The following PAH variants were observed in gnomAD, a reference collection of about 807,000 sequenced individuals.
The protein encoded by PAH is phenylalanine-4-hydroxylase.
A neutral mutation model predicts 62.0 loss-of-function variants in PAH; 64 were observed. The observed-to-expected ratio is 1.03, with a 90% CI of 0.84 to 1.27. The LOEUF (loss-of-function observed/expected upper bound fraction) is 1.27. Ranked by LOEUF, PAH falls within the 50% of genes most tolerant of loss-of-function variation. The pLI is 0.00. For missense variants in PAH, 579 were observed against 542.8 expected (o/e 1.07, Z -0.66); for synonymous variants, 195 against 196.2 (o/e 0.99, Z 0.05).
At chr12:102,862,911 G>C (rs1875792315) in intron 5 of PAH, among the ~76,000 whole-genome samples, 1 of 151,602 alleles carries the variant, frequency 6.6e-6, no homozygotes, top group African/African-American at 2.4e-5. Context: ...AGCCAGGCAA[G>C]TTCAGAAGGT....
chr12:102,847,131 G>T, intron 8 of PAH, 180 bp from the exon 9 acceptor site: 1 of 638,502 alleles, frequency 1.6e-6, no homozygotes, highest in Non-Finnish European at 2.8e-6. Flanking sequence ...GATCTCCAGG[G>T]TAGGGGGATC....
intron 5 of PAH, among the ~76,000 whole-genome samples, chr12:102,861,786 A>G (rs778202264): frequency 2.6e-5 from 4 of 152,100 alleles, no homozygotes; most frequent in Non-Finnish European, 5.9e-5. Flanking sequence ...AACAATGAGA[A>G]CACTTGGACA....
At chr12:102,909,236 T>C (rs1233262086) in intron 2 of PAH, among the ~76,000 whole-genome samples, 1 of 152,202 alleles carries the variant, frequency 6.6e-6, no homozygotes, top group Non-Finnish European at 1.5e-5. Context: ...GTATTTTGGA[T>C]AATGTTCCTC....
rs1440206706 is a variant in PAH, at chr12:102,839,181, T to G, written c.1353A>C (p.Ile451=). ...IGILCSALQK[I]K is the part of the protein sequence containing the mutation. The stretch of plus-strand genomic sequence containing the variant: ...CCACATTCTGTCCATGGCTTTACTT[T>G]ATTTTCTGGAGGGCACTGCAAAGGA... Residue 451 remains isoleucine (I), a synonymous_variant, in exon 13 of 13, where the codon ATA becomes ATC. Transcript: ENST00000553106. 1 of 1,613,776 alleles carries G rather than the reference T, an allele frequency of 6.2e-7. No homozygotes were observed. The highest frequency in any genetic ancestry group is 8.5e-7 in the Non-Finnish European group (1 of 1,179,706).
intron 2 of PAH, among the ~76,000 whole-genome samples, chr12:102,897,790 C>A (rs949351465): frequency 6.6e-6 from 1 of 152,114 alleles, no homozygotes; most frequent in Non-Finnish European, 1.5e-5. Flanking sequence ...AATCACCAGA[C>A]ATAAATAAGA....
chr12:102,921,677 T>C (rs1321933836), upstream of PAH, among the ~76,000 whole-genome samples: 1 of 152,210 alleles, frequency 6.6e-6, no homozygotes, highest in Non-Finnish European at 1.5e-5. Flanking sequence ...ACCTGCATTG[T>C]AGATATACCT....
At chr12:102,857,667 A>T (rs1411653147) in intron 5 of PAH, among the ~76,000 whole-genome samples, 2 of 152,258 alleles carry the variant, frequency 1.3e-5, no homozygotes, top group East Asian at 3.8e-4. Flanking sequence ...GGGGGCCAAT[A>T]TTCAACATTC....
At chr12:102,895,869 A>AAAAAAAAATATATAT (rs953209518) in intron 2 of PAH, among the ~76,000 whole-genome samples, 9 of 118,744 alleles carry the variant, frequency 7.6e-5, no homozygotes, top group African/African-American at 3.2e-4. Flanking sequence ...AAAAAAAAAA[A>AAAAAAAAATATATAT]ATATATATAT....
At chr12:102,948,443 G>A (rs562919018) in intron 1 of PAH, among the ~76,000 whole-genome samples, 2 of 152,298 alleles carry the variant, frequency 1.3e-5, no homozygotes, top group African/African-American at 4.8e-5. Context: ...GGAGGTTAAG[G>A]CTACTGGAGT....
chr12:102,913,828 T>C (rs1362589921), intron 1 of PAH: 1 of 701,852 alleles, frequency 1.4e-6, no homozygotes, highest in Admixed American at 2.0e-5. Context: ...AAAACCAAGG[T>C]TGGGGTTAGG....
chr12:102,872,655 C>T (rs1876395231), intron 4 of PAH, among the ~76,000 whole-genome samples: 1 of 152,166 alleles, frequency 6.6e-6, no homozygotes, highest in South Asian at 2.1e-4. Context: ...AAACTTGATG[C>T]CCACACCTTG....
intron 8 of PAH, among the ~76,000 whole-genome samples, chr12:102,848,574 G>A (rs1874989563): frequency 6.6e-6 from 1 of 151,660 alleles, no homozygotes; most frequent in African/African-American, 2.4e-5. Context: ...GAGAGGCTGA[G>A]TGTAGACAGG....
chr12:102,905,235 GT>G (rs1877929946), intron 2 of PAH, among the ~76,000 whole-genome samples: 2 of 152,132 alleles, frequency 1.3e-5, no homozygotes, highest in Admixed American at 1.3e-4. Context: ...CTACTATAAT[GT>G]TTGGAACCAA....
rs987125136 is a variant in PAH at position 102,866,667 on chromosome 12, G to A, written c.442-4C>T. Reference sequence around the variant, plus strand: ...GGTACACAGGATCTTTAAAACCCTAGGAGAAAAGAGACACCTGATTTTTCA... The same window carrying A: ...GGTACACAGGATCTTTAAAACCCTAAGAGAAAAGAGACACCTGATTTTTCA... On this transcript the variant is annotated splice_polypyrimidine_tract_variant and splice_region_variant and intron_variant, in intron 4 of 12. Coordinates refer to ENST00000553106, the MANE Select transcript of PAH (RefSeq NM_000277.3). 1 of 1,612,816 alleles carries A rather than the reference G, an allele frequency of 6.2e-7. No individual in the cohort carries two copies. Among genetic ancestry groups the A allele is most frequent in the African/African-American group, 1.3e-5 (1 of 74,872 alleles).
intron 6 of PAH, among the ~76,000 whole-genome samples, chr12:102,853,954 G>A (rs912380051): frequency 2.6e-5 from 4 of 152,192 alleles, no homozygotes; most frequent in East Asian, 3.8e-4. Flanking sequence ...AGGCAGTCTA[G>A]CTTCAAAGTC....
chr12:102,939,415 A>G lies in PAH; in HGVS notation c.-96+11174T>C, dbSNP rs540331939. Among the ~76,000 whole-genome samples, 9 of 152,156 alleles carry G rather than the reference A, an allele frequency of 5.9e-5. No individual in the cohort carries two copies. The East Asian group carries it at 1.5e-3, about 26-fold the overall frequency. Reference sequence around the variant, plus strand: ...GGGCCCACTGGCTTAGGCCTGCAACACAGCTGTCCCACCTTCAGCTAAACG... The same window carrying G: ...GGGCCCACTGGCTTAGGCCTGCAACGCAGCTGTCCCACCTTCAGCTAAACG... On this transcript the variant is annotated intron_variant, in intron 1 of 3. Transcript: ENST00000546844.
chr12:102,877,623 A>G, intron 3 of PAH, 73 bp from the exon 4 acceptor site: 2 of 1,127,996 alleles, frequency 1.8e-6, no homozygotes, highest in Non-Finnish European at 2.7e-6. Flanking sequence ...TGAGATCAGA[A>G]GTGGGGATCC....
chr12:102,921,000 C>T (rs1009520369), upstream of PAH, among the ~76,000 whole-genome samples: 2 of 152,104 alleles, frequency 1.3e-5, no homozygotes, highest in Admixed American at 6.5e-5. Flanking sequence ...ATCTTTCTTC[C>T]CTTATAGGCC....
chr12:102,861,750 A>G (rs1304401966), intron 5 of PAH, among the ~76,000 whole-genome samples: 1 of 152,126 alleles, frequency 6.6e-6, no homozygotes, highest in Non-Finnish European at 1.5e-5. Flanking sequence ...CAAACACTGC[A>G]TGTTCTCACT....
Sources: gnomAD v4.1 joint callset for allele counts (sites outside exome capture counted in the v4.1 genomes callset) on GRCh38, gnomAD v4.1.1 for gene constraint, MANE v1.5 for transcripts, NCBI Gene and HGNC (gene_info 2026-07-23, HGNC 2026-07-21) for gene names.